Variants in CWF19L2 observed in about 807,000 individuals in gnomAD.
CWF19L2 encodes CWF19 like cell cycle control factor 2.
Under a neutral mutation model 111.7 loss-of-function variants are expected in CWF19L2, and 98 were observed. That is an observed-to-expected ratio of 0.88 (90% CI 0.75 to 1.04). The LOEUF (loss-of-function observed/expected upper bound fraction) is 1.04. Ranked by LOEUF, CWF19L2 falls within the 50% of genes least tolerant of loss-of-function variation. CWF19L2 has a pLI of 0.00. For missense variants in CWF19L2, 1,101 were observed against 1,051.4 expected (o/e 1.05, Z -0.65); for synonymous variants, 351 against 342.9 (o/e 1.02, Z -0.26).
Position 107,455,652 on chromosome 11 carries a change from CTG to C in CWF19L2, c.216+12_216+13del, listed in dbSNP as rs1189103066. 2 of 1,429,404 alleles carry C rather than the reference CTG, an allele frequency of 1.4e-6. No homozygotes were observed. Among genetic ancestry groups the C allele is most frequent in the East Asian group, 5.0e-5 (2 of 39,778 alleles). 88.5% of individuals were successfully genotyped at this position (1,429,404 alleles called of 1,614,324 possible). A position where few individuals can be genotyped will look rare whatever the true frequency, so the allele number is the denominator to read the frequency against. On this transcript the variant is annotated intron_variant, in intron 2 of 17. Transcript: ENST00000282251. ...ACAGATATCCTTACATCACGTAAAC[CTG>C]TTAGTATTCACCTGTGAGAACTGTT...
intron 12 of CWF19L2, among the ~76,000 whole-genome samples, 152 bp from the exon 13 acceptor site, chr11:107,353,888 T>C (rs1860197002): frequency 6.6e-6 from 1 of 152,196 alleles, no homozygotes; most frequent in South Asian, 2.1e-4. Flanking sequence ...TGTTTGATCT[T>C]CTAGAGTCAA....
chr11:107,345,523 G>A (rs1319398254), intron 14 of CWF19L2: 3 of 447,340 alleles, frequency 6.7e-6, no homozygotes, highest in Non-Finnish European at 1.4e-5. Flanking sequence ...GACTCAAAAT[G>A]TCATGAATTA....
intron 10 of CWF19L2, among the ~76,000 whole-genome samples, chr11:107,394,695 C>G (rs943445795): frequency 6.6e-6 from 1 of 152,148 alleles, no homozygotes; most frequent in Non-Finnish European, 1.5e-5. Context: ...GGGGAAACTA[C>G]TCCCCACATG....
At chr11:107,448,784 G>C (rs935033686) in intron 3 of CWF19L2, among the ~76,000 whole-genome samples, 1 of 152,120 alleles carries the variant, frequency 6.6e-6, no homozygotes, top group Non-Finnish European at 1.5e-5. Context: ...AGAGTGAGAA[G>C]ACAGCCATCT....
At chr11:107,343,993 T>A (rs921611521) in intron 14 of CWF19L2, among the ~76,000 whole-genome samples, 1 of 152,166 alleles carries the variant, frequency 6.6e-6, no homozygotes, top group African/African-American at 2.4e-5. Context: ...GGTAGGCATA[T>A]CACCTGAGGC....
At position 107,348,930 on chromosome 11, in the gene CWF19L2, T is replaced by C. The variant is rs1860118681; in HGVS notation, c.2202+7A>G. The C allele has an allele frequency of 1.3e-6, 2 of 1,517,626 alleles. No homozygotes were observed. The highest frequency in any genetic ancestry group is 1.8e-6 in the Non-Finnish European group (2 of 1,104,034). 94.0% of individuals were successfully genotyped at this position (1,517,626 alleles called of 1,614,324 possible). On this transcript the variant is annotated splice_region_variant and intron_variant, in intron 14 of 17. Transcript: ENST00000282251. ...TTAAAATGATAATGAACATTTATTATGCTGACCTGGATCTCCTCCCAGATG... is the reference window on the plus strand; with the variant it reads ...TTAAAATGATAATGAACATTTATTACGCTGACCTGGATCTCCTCCCAGATG...
intron 10 of CWF19L2, among the ~76,000 whole-genome samples, chr11:107,409,707 T>C (rs1333772489): frequency 7.9e-5 from 12 of 152,066 alleles, no homozygotes; most frequent in Admixed American, 7.9e-4. Flanking sequence ...ACCTCATCAC[T>C]CAGTGTTCAA....
intron 10 of CWF19L2, among the ~76,000 whole-genome samples, chr11:107,405,850 A>AGAGAAGAAG (rs370288784): frequency 7.1e-6 from 1 of 141,816 alleles, no homozygotes; most frequent in Non-Finnish European, 1.5e-5. Context: ...AAAAAAAAAA[A>AGAGAAGAAG]AAGAAGAAGA....
intron 14 of CWF19L2, among the ~76,000 whole-genome samples, chr11:107,341,361 T>C (rs376969840): frequency 1.3e-5 from 2 of 152,212 alleles, no homozygotes; most frequent in Non-Finnish European, 2.9e-5. Context: ...TTTTTCTTCA[T>C]TGATTGATAT....
chr11:107,400,299 T>C (rs1319480540), intron 10 of CWF19L2, among the ~76,000 whole-genome samples: 1 of 150,732 alleles, frequency 6.6e-6, no homozygotes, highest in Non-Finnish European at 1.5e-5. Context: ...TTCAAAAAGA[T>C]AAATAAAATT....
At chr11:107,439,793 AG>A (rs1218579735) in intron 5 of CWF19L2, among the ~76,000 whole-genome samples, 10 of 152,228 alleles carry the variant, frequency 6.6e-5, no homozygotes, top group Admixed American at 6.5e-4. Flanking sequence ...TAGAATAATC[AG>A]GGACTGGGCC....
At chr11:107,409,889 C>G (rs1861132502) in intron 10 of CWF19L2, among the ~76,000 whole-genome samples, 1 of 152,090 alleles carries the variant, frequency 6.6e-6, no homozygotes. Flanking sequence ...ACAAGTATTT[C>G]AGTATGTCTT....
intron 6 of CWF19L2, among the ~76,000 whole-genome samples, chr11:107,438,312 A>G (rs1156633544): frequency 6.6e-6 from 1 of 152,242 alleles, no homozygotes; most frequent in Non-Finnish European, 1.5e-5. Flanking sequence ...AAATTGTGTT[A>G]TAAAGTATGC....
Position 107,435,935 on chromosome 11 carries a change from C to T in CWF19L2, c.665-2186G>A, listed in dbSNP as rs546564553. Among the ~76,000 whole-genome samples the T allele has an allele frequency of 1.1e-4, 17 of 152,108 alleles. No individual in the cohort carries two copies. In the South Asian group the frequency reaches 3.3e-3, roughly 30 times the overall value. ...CTTTGGGAGGCCAAGGTGGGCAGATCAGGAGGTCAAGAGATCAAGACCAGC... is the reference window on the plus strand; with the variant it reads ...CTTTGGGAGGCCAAGGTGGGCAGATTAGGAGGTCAAGAGATCAAGACCAGC... On this transcript the variant is annotated intron_variant, in intron 6 of 17. Coordinates refer to ENST00000282251, the MANE Select transcript of CWF19L2 (RefSeq NM_152434.3).
rs761733732 is a variant in CWF19L2 at position 107,345,581 on chromosome 11, T to C, written c.2202+3356A>G. 140 of 408,592 alleles carry C rather than the reference T, an allele frequency of 3.4e-4. 2 individuals are homozygous for C. Among genetic ancestry groups the C allele is most frequent in the Non-Finnish European group, 1.8e-4 (38 of 205,444 alleles). 25.3% of individuals were successfully genotyped at this position (408,592 alleles called of 1,614,324 possible). ...TAAAATAGTGTTGCAAGAATGGTTC[T>C]GTATTATAAAATATATAAACCTCAT... On this transcript the variant is annotated intron_variant, in intron 14 of 17. Coordinates refer to ENST00000282251, the MANE Select transcript of CWF19L2 (RefSeq NM_152434.3).
intron 6 of CWF19L2, 25 bp from the exon 7 acceptor site, chr11:107,433,774 T>A (rs1368545751): frequency 5.2e-6 from 6 of 1,152,392 alleles, no homozygotes; most frequent in Non-Finnish European, 1.2e-6. Flanking sequence ...TAAATATTAG[T>A]TATACTTTTA....
intron 8 of CWF19L2, among the ~76,000 whole-genome samples, chr11:107,425,441 T>G (rs1249952235): frequency 1.3e-5 from 2 of 151,856 alleles, no homozygotes; most frequent in African/African-American, 4.8e-5. Context: ...CCAACAATGC[T>G]CAATACAGTA....
chr11:107,387,458 AAAACAAAACAAAAAAC>A (rs1395377363), intron 12 of CWF19L2, among the ~76,000 whole-genome samples: 5 of 51,330 alleles, frequency 9.7e-5, no homozygotes, highest in East Asian at 1.0e-3. Context: ...AAAACAAAAC[AAAACAAAACAAAAAAC>A]AAAAAAAACC....
chr11:107,441,504 T>C lies in CWF19L2; in HGVS notation c.569A>G (p.Gln190Arg). 1.3e-6 allele frequency: 2 copies of C among 1,523,946 alleles called. No individual in the cohort carries two copies. Among genetic ancestry groups the C allele is most frequent in the Non-Finnish European group, 1.8e-6 (2 of 1,138,222 alleles). The allele number at this position is 1,523,946 out of a possible 1,614,324, so 94.4% of individuals were successfully genotyped here. A position where few individuals can be genotyped will look rare whatever the true frequency, so the allele number is the denominator to read the frequency against. Residue 190 changes from glutamine to arginine, a missense_variant and splice_region_variant, in exon 5 of 18, where the codon CAG becomes CGG. Physicochemically the swap from Gln to Arg is conservative, Grantham distance 43. Coordinates refer to ENST00000282251, the MANE Select transcript of CWF19L2 (RefSeq NM_152434.3). ...IEQEKNQALE[Q>R]SKLMERELNP... ...AAAGCATTTCAAATATTCTCTTACCTGTTCAAGCGCTTGGTTTTTCTCTTG... is the reference window on the plus strand; with the variant it reads ...AAAGCATTTCAAATATTCTCTTACCCGTTCAAGCGCTTGGTTTTTCTCTTG...
Sources: allele counts gnomAD v4.1 joint callset (sites outside exome capture counted in the v4.1 genomes callset), GRCh38; gene constraint gnomAD v4.1.1; transcripts MANE v1.5; gene names NCBI Gene and HGNC (gene_info 2026-07-23, HGNC 2026-07-21).